Variants in MEF2A observed in about 807,000 individuals in gnomAD.
MEF2A encodes myocyte-specific enhancer factor 2A.
In MEF2A, 28 loss-of-function variants were observed where a neutral mutation model predicts 55.8. That is an observed-to-expected ratio of 0.50 (90% CI 0.37 to 0.69). The LOEUF (loss-of-function observed/expected upper bound fraction) is 0.69, where lower values mean the gene tolerates loss of function less well. Ranked by LOEUF, MEF2A falls within the 30% of genes least tolerant of loss-of-function variation. MEF2A has a pLI of 0.00. For missense variants in MEF2A, 528 were observed against 626.2 expected (o/e 0.84, Z 1.67); for synonymous variants, 239 against 227.1 (o/e 1.05, Z -0.47).
In MEF2A at chr15:99,713,274, T is replaced by C. The variant is rs75665175; in HGVS notation, c.*503T>C. 54 of 352,044 alleles carry C rather than the reference T, an allele frequency of 1.5e-4. No homozygotes were observed. The East Asian group carries it at 2.2e-3, about 14-fold the overall frequency. The allele number at this position is 352,044 out of a possible 1,614,324, so 21.8% of individuals were successfully genotyped here. On this transcript the variant is annotated 3_prime_UTR_variant, in exon 12 of 12. Transcript: ENST00000557942. The stretch of plus-strand genomic sequence containing the variant: ...AAAATGTCATTTATATTTTCCAACC[T>C]GGCATGGGTGTCTGTTGCAAAGGGG...
At chr15:99,579,421 G>A (rs1355641422) in intron 1 of MEF2A, among the ~76,000 whole-genome samples, 1 of 151,536 alleles carries the variant, frequency 6.6e-6, no homozygotes, top group African/African-American at 2.4e-5. Flanking sequence ...TTGAGACAGA[G>A]TCTCACTCTG....
intron 8 of MEF2A, among the ~76,000 whole-genome samples, chr15:99,699,812 CAAAT>C (rs2057096696): frequency 6.6e-6 from 1 of 151,740 alleles, no homozygotes; most frequent in Admixed American, 6.6e-5. Context: ...TGTAAATAAA[CAAAT>C]GGACATTGTA....
intron 3 of MEF2A, among the ~76,000 whole-genome samples, chr15:99,636,488 G>A (rs1220913789): frequency 6.6e-6 from 1 of 151,990 alleles, no homozygotes; most frequent in Non-Finnish European, 1.5e-5. Flanking sequence ...TTGGACTACG[G>A]GCATGTACCA....
intron 2 of MEF2A, among the ~76,000 whole-genome samples, chr15:99,601,356 TA>T (rs1222494928): frequency 3.3e-5 from 5 of 152,284 alleles, no homozygotes; most frequent in African/African-American, 1.2e-4. Context: ...TTCCTCCATT[TA>T]AATTTATGCA....
chr15:99,588,114 GTGTTTTGTTT>G (rs909413423), intron 1 of MEF2A, among the ~76,000 whole-genome samples: 3 of 151,658 alleles, frequency 2.0e-5, no homozygotes, highest in African/African-American at 2.4e-5. Context: ...GTTTGCTGAG[GTGTTTTGTTT>G]TGTTTTGTTT....
chr15:99,581,640 T>G (rs969808630), intron 1 of MEF2A, among the ~76,000 whole-genome samples: 1 of 152,298 alleles, frequency 6.6e-6, no homozygotes, highest in East Asian at 1.9e-4. Flanking sequence ...TCTCACTGTT[T>G]TAGTGATTAT....
At chr15:99,649,153 T>A (rs1425216956) in intron 4 of MEF2A, among the ~76,000 whole-genome samples, 1 of 152,176 alleles carries the variant, frequency 6.6e-6, no homozygotes, top group Non-Finnish European at 1.5e-5. Context: ...TTTATTTTTT[T>A]AATTTGTACT....
At chr15:99,707,000 T>C (rs2058112025) in intron 10 of MEF2A, 145 bp downstream of exon 10, 1 of 1,077,730 alleles carries the variant, frequency 9.3e-7, no homozygotes, top group African/African-American at 1.6e-5. Flanking sequence ...TTTTTCAATG[T>C]GCTAGCCTTG....
chr15:99,602,255 G>T (rs1326509866), intron 2 of MEF2A, among the ~76,000 whole-genome samples: 1 of 152,106 alleles, frequency 6.6e-6, no homozygotes, highest in Non-Finnish European at 1.5e-5. Flanking sequence ...TTATATGTTG[G>T]CATACTTCTG....
At chr15:99,597,951 C>T (rs1033092878) in intron 1 of MEF2A, among the ~76,000 whole-genome samples, 1 of 152,140 alleles carries the variant, frequency 6.6e-6, no homozygotes, top group Non-Finnish European at 1.5e-5. Flanking sequence ...TACAAATATA[C>T]ACATTGTATT....
intron 7 of MEF2A, among the ~76,000 whole-genome samples, chr15:99,686,989 G>T (rs1418668999): frequency 6.7e-6 from 1 of 150,300 alleles, no homozygotes; most frequent in East Asian, 1.9e-4. Flanking sequence ...TGGTGGCGTG[G>T]TCTTGGCTCA....
chr15:99,645,718 A>C lies in MEF2A; in HGVS notation c.212A>C (p.Glu71Ala). 5 of 1,612,724 alleles carry C rather than the reference A, an allele frequency of 3.1e-6. No homozygotes were observed. The highest frequency in any genetic ancestry group is 4.2e-6 in the Non-Finnish European group (5 of 1,179,276). Reference protein sequence around the residue: ...DMDKVLLKYTEYNEPHESRTN... With the variant: ...DMDKVLLKYTAYNEPHESRTN... ...GACAAAGTTCTTCTCAAGTATACAG[A>C]ATATAATGAACCTCATGAAAGCAGA... The change falls in exon 4 of 12, where the codon GAA becomes GCA. Residue 71 changes from glutamate (E) to alanine (A), a missense_variant. Transcript: ENST00000557942.
intron 4 of MEF2A, among the ~76,000 whole-genome samples, chr15:99,658,091 A>G (rs776016019): frequency 6.6e-6 from 1 of 152,194 alleles, no homozygotes; most frequent in Admixed American, 6.6e-5. Flanking sequence ...AGTGAGGAAA[A>G]CACAGCAGGA....
intron 4 of MEF2A, among the ~76,000 whole-genome samples, chr15:99,666,564 C>G (rs1452119121): frequency 9.3e-6 from 1 of 108,054 alleles, no homozygotes; most frequent in Non-Finnish European, 2.1e-5. Flanking sequence ...GCACATGTAT[C>G]CCAGAACTTA....
intron 2 of MEF2A, among the ~76,000 whole-genome samples, chr15:99,607,167 A>G (rs982777016): frequency 2.8e-4 from 42 of 152,198 alleles, no homozygotes; most frequent in African/African-American, 9.9e-4. Flanking sequence ...CGGAAAATGA[A>G]TAACAGCAAC....
At chr15:99,683,696 G>A (rs1021062768) in intron 7 of MEF2A, among the ~76,000 whole-genome samples, 3 of 139,812 alleles carry the variant, frequency 2.1e-5, no homozygotes, top group Admixed American at 7.5e-5. Context: ...GAGCCACCAT[G>A]CCTGGGCCTT....
chr15:99,681,639 A>C (rs2053268948), intron 7 of MEF2A: 1 of 152,230 alleles, frequency 6.6e-6, no homozygotes. Flanking sequence ...GAAAGAAAAG[A>C]AGCAGACCCC....
intron 2 of MEF2A, among the ~76,000 whole-genome samples, chr15:99,629,888 C>T (rs191173367): frequency 1.1e-4 from 17 of 151,698 alleles, no homozygotes; most frequent in Non-Finnish European, 2.2e-4. Flanking sequence ...TGCAGTGAGC[C>T]GAGATCACGC....
At chr15:99,684,671 C>G (rs985754440) in intron 7 of MEF2A, among the ~76,000 whole-genome samples, 2 of 152,108 alleles carry the variant, frequency 1.3e-5, no homozygotes, top group Admixed American at 1.3e-4. Flanking sequence ...CTGATTATTT[C>G]TTTTGCTGTG....
Sources: gnomAD v4.1 joint callset for allele counts (sites outside exome capture counted in the v4.1 genomes callset) on GRCh38, gnomAD v4.1.1 for gene constraint, MANE v1.5 for transcripts, NCBI Gene and HGNC (gene_info 2026-07-23, HGNC 2026-07-21) for gene names.